GRXCR1: variants seen among roughly 807,000 people sequenced by gnomAD.
GRXCR1 encodes glutaredoxin and cysteine rich domain containing 1, also known as glutaredoxin domain-containing cysteine-rich protein 1.
A neutral mutation model predicts 27.3 loss-of-function variants in GRXCR1; 27 were observed. The observed-to-expected ratio is 0.99, with a 90% CI of 0.73 to 1.37. The LOEUF (loss-of-function observed/expected upper bound fraction) is 1.37. Ranked by LOEUF, GRXCR1 falls within the 40% of genes most tolerant of loss-of-function variation. GRXCR1 has a pLI of 0.00. For synonymous variants in GRXCR1, 122 were observed against 131.1 expected, an observed-to-expected ratio of 0.93 and a Z score of 0.47; for missense variants, 379 against 354.4, an observed-to-expected ratio of 1.07 and a Z score of -0.56.
intron 1 of GRXCR1, among the ~76,000 whole-genome samples, chr4:42,958,448 A>C (rs2109772751): frequency 6.6e-6 from 1 of 152,090 alleles, no homozygotes; most frequent in African/African-American, 2.4e-5. Context: ...CCCAAACTAT[A>C]AAACTCCTAG....
chr4:42,949,043 T>A (rs1324478399), intron 1 of GRXCR1, among the ~76,000 whole-genome samples: 1 of 152,128 alleles, frequency 6.6e-6, no homozygotes, highest in African/African-American at 2.4e-5. Flanking sequence ...CAATACACTA[T>A]TTTTAATCTC....
In GRXCR1 at chr4:42,927,374, T is replaced by C. The variant is rs558111844; in HGVS notation, c.384+33724T>C. Among the ~76,000 whole-genome samples the C allele has an allele frequency of 1.4e-4, 21 of 152,118 alleles. No individual in the cohort carries two copies. In the South Asian group the frequency reaches 4.4e-3, roughly 32 times the overall value. ...GCCAAATTCAAGGAGAGAGCATGCT[T>C]ACGCCCCTGCTACAATGATGCTTCT... On this transcript the variant is annotated intron_variant, in intron 1 of 3. Transcript: ENST00000399770.
At chr4:42,908,332 C>T (rs564572873) in intron 1 of GRXCR1, among the ~76,000 whole-genome samples, 1 of 152,280 alleles carries the variant, frequency 6.6e-6, no homozygotes, top group East Asian at 1.9e-4. Context: ...TGAGTTTCTA[C>T]CAGGGCCGAG....
chr4:42,951,045 A>C (rs531397841), intron 1 of GRXCR1, among the ~76,000 whole-genome samples: 2 of 152,294 alleles, frequency 1.3e-5, no homozygotes, highest in South Asian at 4.1e-4. Flanking sequence ...CTCAAGATTC[A>C]GGAAATCCAA....
chr4:43,020,105 T>G (rs1220229811), intron 2 of GRXCR1, among the ~76,000 whole-genome samples: 2 of 152,114 alleles, frequency 1.3e-5, no homozygotes, highest in Admixed American at 1.3e-4. Flanking sequence ...CTAACTGTTG[T>G]GGGTTTCCTG....
At chr4:42,905,679 G>A (rs918208054) in intron 1 of GRXCR1, among the ~76,000 whole-genome samples, 4 of 152,194 alleles carry the variant, frequency 2.6e-5, no homozygotes, top group Non-Finnish European at 5.9e-5. Context: ...AAAACTGAAA[G>A]GGAGTGTGGC....
intron 2 of GRXCR1, among the ~76,000 whole-genome samples, chr4:43,005,568 C>T (rs2109799324): frequency 6.6e-6 from 1 of 152,184 alleles, no homozygotes; most frequent in Middle Eastern, 3.4e-3. Flanking sequence ...AACAAATTAC[C>T]ACGGCAAGAT....
intron 1 of GRXCR1, among the ~76,000 whole-genome samples, chr4:42,944,606 A>G (rs1747701051): frequency 6.6e-6 from 1 of 152,124 alleles, no homozygotes; most frequent in Admixed American, 6.6e-5. Context: ...AGAATCAGTT[A>G]TAAATCACCT....
intron 3 of GRXCR1, among the ~76,000 whole-genome samples, chr4:43,027,450 A>G (rs1479445616): frequency 6.6e-6 from 1 of 152,248 alleles, no homozygotes; most frequent in Non-Finnish European, 1.5e-5. Flanking sequence ...TAGTGAATTT[A>G]ACATTTGATA....
At chr4:43,000,495 A>AAAG (rs1553944902) in intron 2 of GRXCR1, among the ~76,000 whole-genome samples, 12 of 148,628 alleles carry the variant, frequency 8.1e-5, no homozygotes, top group South Asian at 2.1e-4. Context: ...AAAAAAAAAA[A>AAAG]AAGAAGGCAT....
chr4:42,945,442 T>C (rs1167801448), intron 1 of GRXCR1, among the ~76,000 whole-genome samples: 1 of 152,190 alleles, frequency 6.6e-6, no homozygotes, highest in Non-Finnish European at 1.5e-5. Flanking sequence ...TTTTTTCCTT[T>C]CTGCTTCTTC....
chr4:43,009,423 C>T (rs1312759951), intron 2 of GRXCR1, among the ~76,000 whole-genome samples: 1 of 152,130 alleles, frequency 6.6e-6, no homozygotes, highest in Non-Finnish European at 1.5e-5. Flanking sequence ...CTCATCCTAT[C>T]TCTATCTACT....
At chr4:42,982,827 T>C (rs1435240117) in intron 2 of GRXCR1, among the ~76,000 whole-genome samples, 1 of 150,866 alleles carries the variant, frequency 6.6e-6, no homozygotes, top group Admixed American at 6.6e-5. Flanking sequence ...CATTTTTTCA[T>C]GTGTTTTTTG....
chr4:42,964,611 G>A (rs1419930873), intron 2 of GRXCR1, among the ~76,000 whole-genome samples: 1 of 152,028 alleles, frequency 6.6e-6, no homozygotes, highest in Non-Finnish European at 1.5e-5. Context: ...CCAAGTGACA[G>A]AGCTGGCTAA....
intron 2 of GRXCR1, among the ~76,000 whole-genome samples, chr4:42,987,134 G>C (rs1401600435): frequency 6.8e-6 from 1 of 147,044 alleles, no homozygotes; most frequent in Non-Finnish European, 1.5e-5. Context: ...GATTTATTTA[G>C]AAGGAAGAGG....
intron 1 of GRXCR1, among the ~76,000 whole-genome samples, chr4:42,961,725 G>C (rs778808339): frequency 6.6e-6 from 1 of 151,918 alleles, no homozygotes; most frequent in Non-Finnish European, 1.5e-5. Flanking sequence ...CTCTCCATAA[G>C]GTGGAGAACT....
chr4:42,914,925 T>C (rs1490405471), intron 1 of GRXCR1, among the ~76,000 whole-genome samples: 2 of 152,098 alleles, frequency 1.3e-5, no homozygotes, highest in African/African-American at 4.8e-5. Context: ...TTGACTCTCA[T>C]TTTCTCTCCT....
intron 1 of GRXCR1, among the ~76,000 whole-genome samples, chr4:42,899,984 A>C (rs1746427210): frequency 6.6e-6 from 1 of 152,176 alleles, no homozygotes; most frequent in Admixed American, 6.6e-5. Flanking sequence ...TGATTACCAC[A>C]TAATTAAGGA....
intron 2 of GRXCR1, among the ~76,000 whole-genome samples, chr4:43,015,831 A>T (rs1712914883): frequency 6.6e-6 from 1 of 151,664 alleles, no homozygotes; most frequent in Non-Finnish European, 1.5e-5. Context: ...GTATATATAC[A>T]TTAAAATTTA....
Sources: gnomAD v4.1 joint callset for allele counts (sites outside exome capture counted in the v4.1 genomes callset) on GRCh38, gnomAD v4.1.1 for gene constraint, MANE v1.5 for transcripts, NCBI Gene and HGNC (gene_info 2026-07-23, HGNC 2026-07-21) for gene names.